SLC35D1: variants seen among roughly 807,000 people sequenced by gnomAD.
The protein encoded by SLC35D1 is solute carrier family 35 member D1.
SLC35D1 carries 31 observed loss-of-function variants against 46.7 expected under a neutral mutation model. That is an observed-to-expected ratio of 0.66 (90% CI 0.50 to 0.90). The LOEUF (loss-of-function observed/expected upper bound fraction) is 0.90, where lower values mean the gene tolerates loss of function less well. SLC35D1 is among the 40% of genes least tolerant of loss of function. The pLI is 0.00. For synonymous variants in SLC35D1, 195 were observed against 164.6 expected (o/e 1.18, Z -1.41); for missense variants, 397 against 426.2 (o/e 0.93, Z 0.60).
intron 8 of SLC35D1, among the ~76,000 whole-genome samples, chr1:67,023,950 T>C (rs1667864840): frequency 2.1e-5 from 3 of 146,168 alleles, no homozygotes; most frequent in African/African-American, 7.4e-5. Flanking sequence ...TCCATTTTCT[T>C]TTTTTTTTTT....
intron 7 of SLC35D1, among the ~76,000 whole-genome samples, chr1:67,046,653 AT>A (rs1373040787): frequency 6.6e-6 from 1 of 152,226 alleles, no homozygotes; most frequent in Non-Finnish European, 1.5e-5. Context: ...ATGTAATCTC[AT>A]AACGTAATGT....
intron 8 of SLC35D1, among the ~76,000 whole-genome samples, chr1:67,041,733 T>C (rs1645184522): frequency 6.6e-6 from 1 of 152,202 alleles, no homozygotes. Context: ...CTATATTAGT[T>C]GTTCTTTATA....
At chr1:66,989,321 G>A in the SLC35D1 span, among the ~76,000 whole-genome samples, 238 of 152,300 alleles carry the variant, frequency 1.6e-3, 1 homozygote, top group African/African-American at 5.3e-3. Flanking sequence ...AACATGAATG[G>A]TTGACTGAAT....
chr1:67,012,752 G>A (rs1340521826), intron 10 of SLC35D1, among the ~76,000 whole-genome samples: 2 of 152,062 alleles, frequency 1.3e-5, no homozygotes, highest in Non-Finnish European at 2.9e-5. Flanking sequence ...GATCCCCTGT[G>A]GGATTCACAA....
chr1:66,995,998 A>G (rs1667235551), downstream of SLC35D1, among the ~76,000 whole-genome samples: 1 of 152,218 alleles, frequency 6.6e-6, no homozygotes, highest in Admixed American at 6.5e-5. Context: ...CTTCAGAAAG[A>G]AAGGGGTTTT....
chr1:66,973,021 AAG>A, the SLC35D1 span: 4 of 1,292,580 alleles, frequency 3.1e-6, no homozygotes, highest in South Asian at 1.2e-5. Flanking sequence ...TTTTTGCAAA[AAG>A]AAATTTAGTT....
chr1:67,048,074 T>C (rs1269325751), intron 6 of SLC35D1, among the ~76,000 whole-genome samples: 2 of 152,216 alleles, frequency 1.3e-5, no homozygotes, highest in Non-Finnish European at 2.9e-5. Context: ...AAATAGTGGC[T>C]GCACAGACTC....
chr1:67,011,850 T>C (rs1344942318), intron 10 of SLC35D1, among the ~76,000 whole-genome samples: 3 of 152,212 alleles, frequency 2.0e-5, no homozygotes, highest in Non-Finnish European at 4.4e-5. Flanking sequence ...GTCTTGGTTA[T>C]AGCTTTTGGT....
At chr1:67,009,610 A>C (rs1305645439) in intron 10 of SLC35D1, among the ~76,000 whole-genome samples, 1 of 152,206 alleles carries the variant, frequency 6.6e-6, no homozygotes, top group Non-Finnish European at 1.5e-5. Flanking sequence ...TCAGAGAAAT[A>C]CAAATCAAAA....
intron 8 of SLC35D1, 37 bp downstream of exon 8, chr1:67,042,199 C>T (rs1440926910): frequency 1.3e-6 from 2 of 1,513,362 alleles, no homozygotes; most frequent in African/African-American, 2.8e-5. Flanking sequence ...TGCAGTTCAT[C>T]AACGTAAGCC....
chr1:67,030,924 C>T (rs115364033), intron 8 of SLC35D1, among the ~76,000 whole-genome samples: 1,964 of 152,274 alleles, frequency 0.013, 17 homozygotes, highest in Non-Finnish European at 0.018. Context: ...ACCTGTGGGA[C>T]AGAAAGGCCA....
At chr1:67,053,126 A>C (rs75870077) in intron 1 of SLC35D1, 137 bp from the exon 2 acceptor site, 23 of 1,045,448 alleles carry the variant, frequency 2.2e-5, no homozygotes, top group African/African-American at 6.4e-5. Flanking sequence ...TCAAACAAAA[A>C]TCTTGGGAGA....
chr1:67,051,916 C>A, intron 4 of SLC35D1, 96 bp downstream of exon 4: 1 of 879,716 alleles, frequency 1.1e-6, no homozygotes, highest in Non-Finnish European at 1.9e-6. Flanking sequence ...TCATTTTTTT[C>A]CAGAATCAAT....
At chr1:66,976,443 C>A in the SLC35D1 span, 1 of 518,764 alleles carries the variant, frequency 1.9e-6, no homozygotes, top group Non-Finnish European at 3.2e-6. Context: ...GAAAGAATAG[C>A]TTTCAACATA....
intron 8 of SLC35D1, among the ~76,000 whole-genome samples, chr1:67,038,462 T>C (rs76511849): frequency 2.1e-3 from 321 of 152,264 alleles, no homozygotes; most frequent in South Asian, 5.0e-3. Context: ...TGGTCTGTTC[T>C]TCCATCTCTA....
intron 8 of SLC35D1, 102 bp from the exon 9 acceptor site, chr1:67,021,704 CAGACACAG>C (rs1379288640): frequency 2.6e-4 from 79 of 303,560 alleles, no homozygotes; most frequent in African/African-American, 1.9e-3. Context: ...AACACAGACA[CAGACACAG>C]ACACAGACAC....
intron 10 of SLC35D1, among the ~76,000 whole-genome samples, chr1:67,009,725 C>G (rs1482851804): frequency 6.6e-6 from 1 of 152,096 alleles, no homozygotes; most frequent in Non-Finnish European, 1.5e-5. Context: ...TATTTATACA[C>G]TGTTGGGGGG....
chr1:67,038,094 T>C (rs1668160672), intron 8 of SLC35D1, among the ~76,000 whole-genome samples: 1 of 152,196 alleles, frequency 6.6e-6, no homozygotes, highest in African/African-American at 2.4e-5. Context: ...GAAAGTTCTA[T>C]TCATTCATAA....
chr1:67,012,518 T>C (rs1166180342), intron 10 of SLC35D1, among the ~76,000 whole-genome samples: 3 of 116,850 alleles, frequency 2.6e-5, no homozygotes, highest in Admixed American at 1.2e-4. Context: ...AGCCAAAAGA[T>C]GGATCCTTTA....
Sources: gnomAD v4.1 joint callset for allele counts (sites outside exome capture counted in the v4.1 genomes callset) on GRCh38, gnomAD v4.1.1 for gene constraint, MANE v1.5 for transcripts, NCBI Gene and HGNC (gene_info 2026-07-23, HGNC 2026-07-21) for gene names.